Variants in CGN observed in about 807,000 individuals in gnomAD.
CGN encodes the protein cingulin.
Under a neutral mutation model 157.1 loss-of-function variants are expected in CGN, and 121 were observed. The ratio of observed to expected loss-of-function variants is 0.77; its 90% CI spans 0.66 to 0.90. The LOEUF is 0.90. Ranked by LOEUF, CGN falls within the 40% of genes least tolerant of loss-of-function variation. CGN has a pLI of 0.00. For synonymous variants in CGN, 535 were observed against 607.5 expected (o/e 0.88, Z 1.76); for missense variants, 1,424 against 1,520.9 (o/e 0.94, Z 1.06).
In CGN at chr1:151,532,481, G is replaced by T; in HGVS notation, c.2651G>T (p.Arg884Leu). ...AQLEDYKEKA[R>L]REVADAQRQA... ...CTGGAGGATTATAAGGAAAAGGCCC[G>T]GCGGGAGGTGGCAGATGCCCAGCGC... Residue 884 changes from arginine to leucine, a missense_variant, in exon 14 of 21, where the codon CGG becomes CTG. Transcript: ENST00000271636. 1 of 1,610,228 alleles carries T rather than the reference G, an allele frequency of 6.2e-7. No homozygotes were observed. Among genetic ancestry groups the T allele is most frequent in the Non-Finnish European group, 8.5e-7 (1 of 1,178,780 alleles).
chr1:151,522,329 A>C (rs551321210), intron 5 of CGN, among the ~76,000 whole-genome samples: 3 of 152,180 alleles, frequency 2.0e-5, no homozygotes, highest in African/African-American at 7.2e-5. Flanking sequence ...AAGATAGACA[A>C]AACCAGCTTA....
chr1:151,532,793 A>G (rs1042715572), intron 14 of CGN, among the ~76,000 whole-genome samples: 1 of 151,670 alleles, frequency 6.6e-6, no homozygotes, highest in Non-Finnish European at 1.5e-5. Context: ...CTAATTTTTT[A>G]TATTTTCAGT....
chr1:151,536,188 T>C (rs757388393), intron 18 of CGN, 49 bp from the exon 19 acceptor site: 3 of 1,201,408 alleles, frequency 2.5e-6, no homozygotes, highest in Admixed American at 1.7e-5. Flanking sequence ...CAAGTTAGGA[T>C]TCCCTTAGAA....
At chr1:151,534,973 G>T (rs560199642) in intron 15 of CGN, 69 bp from the exon 16 acceptor site, 14 of 1,089,136 alleles carry the variant, frequency 1.3e-5, no homozygotes, top group Non-Finnish European at 1.7e-5. Flanking sequence ...AGTTTGAGAG[G>T]CTCCTGGTCT....
chr1:151,529,502 C>T lies in CGN; in HGVS notation c.2049C>T (p.Asn683=), dbSNP rs1021901236. The change falls in exon 11 of 21, where the codon AAC becomes AAT. Residue 683 remains asparagine (N), a synonymous_variant. Transcript: ENST00000271636. ...GAGGTCGGGAGCTGGAAGAACAGAA[C>T]CTCCAGCTACAAAAGACCCTCCAGC... ...ADRGRELEEQ[N]LQLQKTLQQL... 3.1e-6 allele frequency: 5 copies of T among 1,613,878 alleles called. No homozygotes were observed. Among genetic ancestry groups the T allele is most frequent in the Non-Finnish European group, 3.4e-6 (4 of 1,179,990 alleles).
chr1:151,537,010 T>C, intron 20 of CGN, 117 bp downstream of exon 20: 1 of 1,284,572 alleles, frequency 7.8e-7, no homozygotes, highest in Admixed American at 2.6e-5. Context: ...GTCACTTGTT[T>C]CTGGTTGGAA....
In CGN at chr1:151,535,857, C is replaced by A; in HGVS notation, c.3156C>A (p.Ser1052=). The A allele has an allele frequency of 6.2e-7, 1 of 1,614,054 alleles. No individual in the cohort carries two copies. The highest frequency in any genetic ancestry group is 8.5e-7 in the Non-Finnish European group (1 of 1,180,012). ...KPSASLSQLE[S]QNQLLQERLQ... ...GTGCCAGCCTCTCTCAGCTTGAGTCCCAGAATCAGTTGTTGCAGGAGCGGC... is the reference window on the plus strand; with the variant it reads ...GTGCCAGCCTCTCTCAGCTTGAGTCACAGAATCAGTTGTTGCAGGAGCGGC... The change falls in exon 18 of 21, where the codon TCC becomes TCA. Residue 1052 remains serine (S), a synonymous_variant. Coordinates refer to ENST00000271636, the MANE Select transcript of CGN (RefSeq NM_020770.3).
chr1:151,535,088 C>A lies in CGN; in HGVS notation c.2951C>A (p.Thr984Asn), dbSNP rs766183870. The change falls in exon 16 of 21, where the codon ACC becomes AAC. Residue 984 changes from threonine (T) to asparagine (N), a missense_variant. This residue lies in a region of CGN where 199 missense variants were observed against 272.2 expected (regional missense o/e 0.73). Transcript: ENST00000271636. ...ACAGAGTTAGATGAGGAGAAGAACA[C>A]CGTGGAGCTGCTAACAGATCGGGTG... ...LETELDEEKN[T>N]VELLTDRVNR... 2 of 1,614,106 alleles carry A rather than the reference C, an allele frequency of 1.2e-6. No homozygotes were observed. The highest frequency in any genetic ancestry group is 1.7e-6 in the Non-Finnish European group (2 of 1,179,998).
intron 1 of CGN, among the ~76,000 whole-genome samples, chr1:151,514,014 A>G (rs551363201): frequency 1.3e-5 from 2 of 152,240 alleles, no homozygotes; most frequent in Admixed American, 1.3e-4. Context: ...GGGCTTACGC[A>G]AGGCCTCAGA....
In CGN at chr1:151,535,655, A is replaced by C. The variant is rs1197937977; in HGVS notation, c.3050A>C (p.Glu1017Ala). The change falls in exon 17 of 21, where the codon GAG becomes GCG. Residue 1017 changes from glutamate (E) to alanine (A), a missense_variant. This residue lies in a region of CGN where 199 missense variants were observed against 272.2 expected (regional missense o/e 0.73). Transcript: ENST00000271636. ...MQERSARQDLECDKISLERQN... is the reference protein window; with the variant it reads ...MQERSARQDLACDKISLERQN... ...GAAAGGTCTGCTCGGCAGGACCTGG[A>C]GTGTGACAAAATCTCCTTGGAGAGA... The C allele has an allele frequency of 5.0e-6, 8 of 1,614,004 alleles. No individual in the cohort carries two copies. The highest frequency in any genetic ancestry group is 6.8e-6 in the Non-Finnish European group (8 of 1,180,008).
At chr1:151,528,871 T>A (rs944955819) in intron 10 of CGN, among the ~76,000 whole-genome samples, 1 of 152,218 alleles carries the variant, frequency 6.6e-6, no homozygotes, top group African/African-American at 2.4e-5. Context: ...TTACCTATTC[T>A]GGATATTTAA....
intron 10 of CGN, 115 bp downstream of exon 10, chr1:151,527,222 C>T (rs1664703611): frequency 6.6e-6 from 7 of 1,056,832 alleles, no homozygotes; most frequent in Non-Finnish European, 8.7e-6. Flanking sequence ...GTTTCCAGGC[C>T]TCATCCTGCC....
At chr1:151,525,201 C>T (rs1327075664) in intron 8 of CGN, among the ~76,000 whole-genome samples, 3 of 152,144 alleles carry the variant, frequency 2.0e-5, no homozygotes, top group Non-Finnish European at 2.9e-5. Context: ...AGTTAGAGAC[C>T]AGCCTGGGTA....
chr1:151,515,376 A>G (rs190443748), intron 1 of CGN: 2 of 152,258 alleles, frequency 1.3e-5, no homozygotes, highest in African/African-American at 4.8e-5. Context: ...ATAATTATTT[A>G]TTATCTCATT....
intron 13 of CGN, among the ~76,000 whole-genome samples, chr1:151,531,216 T>C (rs1337018251): frequency 1.3e-5 from 2 of 152,038 alleles, no homozygotes; most frequent in East Asian, 3.9e-4. Flanking sequence ...CCAAATCTTC[T>C]GGAAGGGGCA....
chr1:151,532,364 T>A, intron 13 of CGN, 38 bp from the exon 14 acceptor site: 1 of 1,461,534 alleles, frequency 6.8e-7, no homozygotes, highest in Non-Finnish European at 9.1e-7. Context: ...GAGGGTCATT[T>A]ATGTACAGTG....
At position 151,528,122 on chromosome 1, in the gene CGN, A is replaced by AT. The variant is rs556582562; in HGVS notation, c.1896+1023dup. ...AGGCGCCCACCACCACGCCCGGCTA[A>AT]TTTTTTTTGTATTTTTACAAAAAAA... On this transcript the variant is annotated intron_variant, in intron 10 of 20. Coordinates refer to ENST00000271636, the MANE Select transcript of CGN (RefSeq NM_020770.3). Among the ~76,000 whole-genome samples, 370 of 149,798 alleles carry AT rather than the reference A, an allele frequency of 2.5e-3. 1 individual carries two copies. The highest frequency in any genetic ancestry group is 4.9e-3 in the Non-Finnish European group (328 of 67,378).
chr1:151,523,133 T>C (rs1332421266), intron 5 of CGN, among the ~76,000 whole-genome samples: 1 of 152,184 alleles, frequency 6.6e-6, no homozygotes, highest in Non-Finnish European at 1.5e-5. Context: ...AATTTACTCA[T>C]CACGTCCTCC....
In CGN at chr1:151,525,869, T is replaced by C. The variant is rs1255901940; in HGVS notation, c.1763+79T>C. 72 of 999,394 alleles carry C rather than the reference T, an allele frequency of 7.2e-5. 1 individual carries two copies. The East Asian group carries it at 2.6e-3, about 37-fold the overall frequency. The allele number at this position is 999,394 out of a possible 1,614,324, so 61.9% of individuals were successfully genotyped here. A position where few individuals can be genotyped will look rare whatever the true frequency, so the allele number is the denominator to read the frequency against. On this transcript the variant is annotated intron_variant, in intron 9 of 20. Coordinates refer to ENST00000271636, the MANE Select transcript of CGN (RefSeq NM_020770.3). Reference sequence around the variant, plus strand: ...CTTTTTTTTAATTTTTAATTTTAATTTTAATTTTAATTTATTTTTTGGGAC... The same window carrying C: ...CTTTTTTTTAATTTTTAATTTTAATCTTAATTTTAATTTATTTTTTGGGAC...
Sources: gnomAD v4.1 joint callset for allele counts (sites outside exome capture counted in the v4.1 genomes callset) on GRCh38, gnomAD v4.1.1 for gene constraint, gnomAD v4.1.1 regional missense constraint, MANE v1.5 for transcripts, NCBI Gene and HGNC (gene_info 2026-07-23, HGNC 2026-07-21) for gene names.